PSMA3: variants seen among roughly 807,000 people sequenced by gnomAD.
PSMA3 encodes the protein proteasome 20S subunit alpha 3, also known as proteasome subunit alpha type-3.
PSMA3 carries 8 observed loss-of-function variants against 40.0 expected under a neutral mutation model. The observed-to-expected ratio is 0.20, with a 90% CI of 0.12 to 0.36. The LOEUF is 0.36. Among genes scored for constraint, PSMA3 ranks in the 10% least tolerant of loss-of-function variants. The probability of loss-of-function intolerance (pLI) is 1.00; values close to 1 mark genes in which losing one functional copy is unlikely to be tolerated. For synonymous variants in PSMA3, 110 were observed against 100.0 expected (o/e 1.10, Z -0.59); for missense variants, 219 against 310.6 (o/e 0.70, Z 2.22).
At chr14:58,266,248 G>T (rs1158983746) in intron 7 of PSMA3, 1 of 152,144 alleles carries the variant, frequency 6.6e-6, no homozygotes, top group East Asian at 1.9e-4. Context: ...TCATGTGGTT[G>T]TGCAGGCAGA....
chr14:58,258,451 A>G (rs1328481171), intron 5 of PSMA3: 1 of 152,994 alleles, frequency 6.5e-6, no homozygotes, highest in Non-Finnish European at 1.5e-5. Flanking sequence ...AAAAAAAAAA[A>G]AAAAAAAAAA....
At position 58,252,213 on chromosome 14, in the gene PSMA3, C is replaced by A; in HGVS notation, c.199C>A (p.Leu67Ile). 6.2e-7 allele frequency: 1 copy of A among 1,612,022 alleles called. No homozygotes were observed. Among genetic ancestry groups the A allele is most frequent in the Non-Finnish European group, 8.5e-7 (1 of 1,179,522 alleles). The change falls in exon 3 of 11, where the codon CTT becomes ATT. Residue 67 changes from leucine to isoleucine, a missense_variant. Leu to Ile is a conservative substitution (Grantham distance 5). Coordinates refer to ENST00000216455, the MANE Select transcript of PSMA3 (RefSeq NM_002788.4). ...KLYEEGSNKR[L>I]FNVDRHVGMA... ...TTATGAAGAAGGTTCCAACAAAAGA[C>A]TTTTTAATGTTGATCGGCATGTTGG...
At chr14:58,254,340 A>ATATATATATATATATATATGTATG in intron 3 of PSMA3, among the ~76,000 whole-genome samples, 359 of 34,766 alleles carry the variant, frequency 0.01, 64 homozygotes, top group South Asian at 0.018. Flanking sequence ...ATGCATATAT[A>ATATATATATATATATATATGTATG]TATGTATGTA....
rs143159332 is a variant in PSMA3, at chr14:58,270,800, G to A, written c.659-134G>A. ...GTAGAAGCAGCACACAAAAATATTCGAGTATTACTCATAGTACAACTTTGC... is the reference window on the plus strand; with the variant it reads ...GTAGAAGCAGCACACAAAAATATTCAAGTATTACTCATAGTACAACTTTGC... On this transcript the variant is annotated intron_variant, in intron 9 of 10. Coordinates refer to ENST00000216455, the MANE Select transcript of PSMA3 (RefSeq NM_002788.4). The A allele has an allele frequency of 1.1e-3, 866 of 816,172 alleles. 6 individuals carry two copies. In the African/African-American group the frequency reaches 0.014, roughly 13 times the overall value. The allele number at this position is 816,172 out of a possible 1,614,324, so 50.6% of individuals were successfully genotyped here.
At chr14:58,262,083 C>T (rs772315054) in intron 6 of PSMA3, among the ~76,000 whole-genome samples, 20 of 152,064 alleles carry the variant, frequency 1.3e-4, no homozygotes, top group Middle Eastern at 3.2e-3. Flanking sequence ...GCATGTACTA[C>T]CATGCCTGGT....
intron 5 of PSMA3, among the ~76,000 whole-genome samples, chr14:58,260,554 T>C (rs748499654): frequency 4.6e-5 from 7 of 152,294 alleles, no homozygotes; most frequent in Middle Eastern, 3.4e-3. Flanking sequence ...TATTGGGAAA[T>C]AGAATGAAGG....
At chr14:58,247,712 C>T in intron 1 of PSMA3, 38 bp from the exon 2 acceptor site, 1 of 1,392,964 alleles carries the variant, frequency 7.2e-7, no homozygotes, top group Non-Finnish European at 1.0e-6. Context: ...TCATTACTGC[C>T]AAAGATACAA....
At chr14:58,257,712 T>G (rs1423026794) in intron 3 of PSMA3, 33 bp from the exon 4 acceptor site, 1 of 1,537,698 alleles carries the variant, frequency 6.5e-7, no homozygotes, top group East Asian at 2.3e-5. Context: ...GATAGGAATG[T>G]GTTCCTCTAG....
intron 7 of PSMA3, among the ~76,000 whole-genome samples, chr14:58,264,306 C>T (rs1890370836): frequency 6.6e-6 from 1 of 152,140 alleles, no homozygotes; most frequent in Admixed American, 6.5e-5. Flanking sequence ...TTATGTCTGG[C>T]TGTGCTCCAC....
At chr14:58,261,155 TACA>T in intron 6 of PSMA3, 135 bp downstream of exon 6, 3 of 628,688 alleles carry the variant, frequency 4.8e-6, no homozygotes, top group Non-Finnish European at 7.9e-6. Context: ...TTTTTTTTTT[TACA>T]ACAACCTCTT....
rs1015780153 is a variant in PSMA3 at position 58,267,714 on chromosome 14, A to G, written c.590+194A>G. ...AAGCAATATTTTTTAGTAGTAATGA[A>G]TAGGATGGGAAAAATAGCTTGACAA... On this transcript the variant is annotated intron_variant, in intron 8 of 10. Transcript: ENST00000216455. The G allele has an allele frequency of 1.2e-5, 12 of 1,036,874 alleles. No individual in the cohort carries two copies. The African/African-American group carries it at 1.8e-4, about 16-fold the overall frequency. 64.2% of individuals were successfully genotyped at this position (1,036,874 alleles called of 1,614,324 possible).
chr14:58,258,252 A>G, intron 5 of PSMA3: 1 of 387,506 alleles, frequency 2.6e-6, no homozygotes, highest in Non-Finnish European at 4.7e-6. Flanking sequence ...AGCCTGGCCA[A>G]CGCAGTGAGA....
chr14:58,258,348 G>A (rs774109151), intron 5 of PSMA3: 13 of 171,178 alleles, frequency 7.6e-5, no homozygotes, highest in Non-Finnish European at 1.6e-4. Context: ...CTGCTTGAGA[G>A]GATCATTTGA....
chr14:58,258,139 A>T, intron 5 of PSMA3, 141 bp downstream of exon 5: 1 of 645,678 alleles, frequency 1.5e-6, no homozygotes, highest in Non-Finnish European at 2.6e-6. Context: ...AAAACAGTGT[A>T]CATAGAAACT....
chr14:58,261,875 C>A (rs1890291848), intron 6 of PSMA3, among the ~76,000 whole-genome samples: 1 of 152,110 alleles, frequency 6.6e-6, no homozygotes, highest in Non-Finnish European at 1.5e-5. Flanking sequence ...CTTGGACTCC[C>A]AAAATGCTGG....
At chr14:58,253,244 C>G (rs1890054459) in intron 3 of PSMA3, among the ~76,000 whole-genome samples, 1 of 152,190 alleles carries the variant, frequency 6.6e-6, no homozygotes, top group Non-Finnish European at 1.5e-5. Flanking sequence ...CCGCCTCAGC[C>G]TCCCAAAGTG....
intron 2 of PSMA3, among the ~76,000 whole-genome samples, chr14:58,250,101 T>C (rs1889973727): frequency 1.3e-5 from 2 of 151,154 alleles, no homozygotes; most frequent in African/African-American, 4.9e-5. Flanking sequence ...GCGCCTGTAA[T>C]CCCAGCTACT....
chr14:58,261,128 G>A, intron 6 of PSMA3, 108 bp downstream of exon 6: 2 of 732,940 alleles, frequency 2.7e-6, no homozygotes, highest in Non-Finnish European at 4.2e-6. Flanking sequence ...CTCATTCAAG[G>A]AAAGTAATTT....
intron 9 of PSMA3, 21 bp from the exon 10 acceptor site, chr14:58,270,912 AC>A (rs1412895833): frequency 6.4e-7 from 1 of 1,562,712 alleles, no homozygotes; most frequent in Non-Finnish European, 8.8e-7. Flanking sequence ...AAATTCATTT[AC>A]ACATGTGGCT....
Sources: allele counts gnomAD v4.1 joint callset (sites outside exome capture counted in the v4.1 genomes callset), GRCh38; gene constraint gnomAD v4.1.1; transcripts MANE v1.5; gene names NCBI Gene and HGNC (gene_info 2026-07-23, HGNC 2026-07-21).